The following EP300 variants were observed in gnomAD, a reference collection of about 807,000 sequenced individuals.
EP300 encodes the protein EP300 lysine acetyltransferase, also known as histone acetyltransferase p300.
Under a neutral mutation model 264.0 loss-of-function variants are expected in EP300, and 31 were observed. That is an observed-to-expected ratio of 0.12 (90% CI 0.09 to 0.16). EP300 has a LOEUF of 0.16. EP300 is among the 10% of genes least tolerant of loss of function. EP300 has a pLI of 1.00. For synonymous variants in EP300, 1,340 were observed against 1,045.4 expected (o/e 1.28, Z -5.44); for missense variants, 2,766 against 3,052.9 (o/e 0.91, Z 2.21).
chr22:41,099,940 A>C (rs1050046078), intron 1 of EP300, among the ~76,000 whole-genome samples: 2 of 152,066 alleles, frequency 1.3e-5, no homozygotes, highest in African/African-American at 2.4e-5. Context: ...AGTTTAAAAC[A>C]TTGTTGTGGC....
At chr22:41,106,000 A>G (rs1286433252) in intron 1 of EP300, among the ~76,000 whole-genome samples, 1 of 152,064 alleles carries the variant, frequency 6.6e-6, no homozygotes, top group East Asian at 1.9e-4. Context: ...AATTTTCTTA[A>G]TGTTCCTTCA....
intron 26 of EP300, among the ~76,000 whole-genome samples, chr22:41,170,084 G>T (rs1477805313): frequency 6.6e-6 from 1 of 152,190 alleles, no homozygotes; most frequent in African/African-American, 2.4e-5. Flanking sequence ...ATTTTCCTTT[G>T]CAGTGTAATC....
chr22:41,145,555 T>G (rs1370911776), intron 10 of EP300, among the ~76,000 whole-genome samples: 1 of 152,234 alleles, frequency 6.6e-6, no homozygotes, highest in Admixed American at 6.5e-5. Context: ...CTCTGTGCAC[T>G]ATGTTGAAAG....
At chr22:41,101,844 C>G (rs2058733528) in intron 1 of EP300, among the ~76,000 whole-genome samples, 1 of 152,032 alleles carries the variant, frequency 6.6e-6, no homozygotes, top group Non-Finnish European at 1.5e-5. Context: ...CTCTAAGAAA[C>G]TTTCTTATAA....
intron 10 of EP300, among the ~76,000 whole-genome samples, chr22:41,143,286 T>C (rs2058993124): frequency 6.6e-6 from 1 of 152,098 alleles, no homozygotes; most frequent in African/African-American, 2.4e-5. Context: ...ACTCTGTCTC[T>C]ATAAAAAATA....
chr22:41,159,291 T>G (rs2059095213), intron 19 of EP300: 1 of 152,258 alleles, frequency 6.6e-6, no homozygotes, highest in African/African-American at 2.4e-5. Flanking sequence ...GTGTTGGTTT[T>G]TGCTGAACTT....
intron 7 of EP300, 149 bp downstream of exon 7, chr22:41,136,055 C>G: frequency 1.4e-6 from 1 of 718,174 alleles, no homozygotes; most frequent in Non-Finnish European, 2.5e-6. Flanking sequence ...TTTTTTCGCT[C>G]TGTAGCCCAG....
At chr22:41,133,025 C>T (rs1240591884) in intron 6 of EP300, among the ~76,000 whole-genome samples, 1 of 152,136 alleles carries the variant, frequency 6.6e-6, no homozygotes, top group Admixed American at 6.5e-5. Flanking sequence ...AGTTAGACAT[C>T]CAGCATTGTA....
intron 13 of EP300, 71 bp from the exon 14 acceptor site, chr22:41,149,690 A>G: frequency 7.4e-6 from 11 of 1,481,410 alleles, no homozygotes; most frequent in Non-Finnish European, 1.0e-5. Context: ...AAATTTATAT[A>G]TCATGCCTAT....
intron 22 of EP300, among the ~76,000 whole-genome samples, chr22:41,164,478 G>A (rs958789523): frequency 1.3e-5 from 2 of 152,178 alleles, no homozygotes; most frequent in African/African-American, 2.4e-5. Context: ...TTGGGAGGCC[G>A]AGGCGGGCGG....
Position 41,176,845 on chromosome 22 carries a change from T to C in EP300, c.5134T>C (p.Leu1712=), listed in dbSNP as rs1340378657. 5 of 1,614,112 alleles carry C rather than the reference T, an allele frequency of 3.1e-6. No homozygotes were observed. In the Admixed American group the frequency reaches 6.7e-5, roughly 22 times the overall value. ...CAAAATGGAGAAACTAGGCCTTGGC[T>C]TAGATGATGAGAGCAACAACCAGCA... The part of the protein sequence containing the change: ...DHKMEKLGLG[L]DDESNNQQAA... Residue 1712 remains leucine, a synonymous_variant, in exon 31 of 31, where the codon TTA becomes CTA. Coordinates refer to ENST00000263253, the MANE Select transcript of EP300 (RefSeq NM_001429.4).
At chr22:41,099,521 G>A (rs1280805988) in intron 1 of EP300, among the ~76,000 whole-genome samples, 1 of 152,172 alleles carries the variant, frequency 6.6e-6, no homozygotes, top group African/African-American at 2.4e-5. Flanking sequence ...CACTTGTCAT[G>A]CACTGTGGCT....
chr22:41,160,792 T>A (rs2059103954), intron 20 of EP300, 70 bp downstream of exon 20: 1 of 1,372,970 alleles, frequency 7.3e-7, no homozygotes, highest in Non-Finnish European at 1.0e-6. Context: ...AGCTTATTTC[T>A]AAATGAACTT....
intron 1 of EP300, among the ~76,000 whole-genome samples, chr22:41,098,463 C>G (rs928907843): frequency 6.6e-6 from 1 of 152,176 alleles, no homozygotes; most frequent in Non-Finnish European, 1.5e-5. Flanking sequence ...GCTCCGCCTC[C>G]CGGGTTCAAG....
chr22:41,149,669 G>A (rs2059031760), intron 13 of EP300, 92 bp from the exon 14 acceptor site: 1 of 1,315,216 alleles, frequency 7.6e-7, no homozygotes, highest in African/African-American at 1.5e-5. Flanking sequence ...TGTTTAATCA[G>A]TTTGTGTCCT....
rs368992990 is a variant in EP300 at position 41,163,392 on chromosome 22, G to A, written c.3728+613G>A. 3.1e-4 allele frequency among the ~76,000 whole-genome samples: 41 copies of A among 132,626 alleles called. No homozygotes were observed. The East Asian group carries it at 5.9e-3, about 19-fold the overall frequency. The allele number at this position is 132,626 out of a possible 152,430, so 87.0% of individuals were successfully genotyped here. A position where few individuals can be genotyped will look rare whatever the true frequency, so the allele number is the denominator to read the frequency against. On this transcript the variant is annotated intron_variant, in intron 21 of 30. Transcript: ENST00000263253. ...GGAGCTTGCAGTGAGCCGAGATCCC[G>A]CCACTGCACTCCAGCCTGGGCGACA...
At chr22:41,117,157 T>C (rs766710403) in intron 1 of EP300, 30 bp from the exon 2 acceptor site, 2 of 1,605,386 alleles carry the variant, frequency 1.2e-6, no homozygotes, top group Non-Finnish European at 1.7e-6. Context: ...TTGTCATACT[T>C]TGACCTTTGT....
rs770966501 is a variant in EP300 at position 41,162,719 on chromosome 22, T to C, written c.3672-4T>C. On this transcript the variant is annotated splice_polypyrimidine_tract_variant and splice_region_variant and intron_variant, in intron 20 of 30. Coordinates refer to ENST00000263253, the MANE Select transcript of EP300 (RefSeq NM_001429.4). ...TTCTCATTGTGTCCCTTTTCTCTCC[T>C]TAGTACAATAAATAAAGAACAATTT... 4 of 1,609,066 alleles carry C rather than the reference T, an allele frequency of 2.5e-6. No individual in the cohort carries two copies. The highest frequency in any genetic ancestry group is 3.4e-6 in the Non-Finnish European group (4 of 1,175,594).
chr22:41,176,559 G>T, intron 30 of EP300, 31 bp downstream of exon 30: 1 of 1,612,956 alleles, frequency 6.2e-7, no homozygotes, highest in Non-Finnish European at 8.5e-7. Flanking sequence ...AGGAGGAGGT[G>T]AGCTCCGCAG....
Sources: allele counts gnomAD v4.1 joint callset (sites outside exome capture counted in the v4.1 genomes callset), GRCh38; gene constraint gnomAD v4.1.1; transcripts MANE v1.5; gene names NCBI Gene and HGNC (gene_info 2026-07-23, HGNC 2026-07-21).